IFNGR2: variants seen among roughly 807,000 people sequenced by gnomAD.
IFNGR2 encodes IFN-gamma receptor 2.
In IFNGR2, 15 loss-of-function variants were observed where a neutral mutation model predicts 41.1. The observed-to-expected ratio is 0.37, with a 90% CI of 0.24 to 0.56. IFNGR2 has a LOEUF of 0.56. Among genes scored for constraint, IFNGR2 ranks in the 20% least tolerant of loss-of-function variants. The pLI, the probability that IFNGR2 is intolerant of heterozygous loss-of-function variation, is 0.81. For missense variants in IFNGR2, 362 were observed against 415.7 expected (o/e 0.87, Z 1.12); for synonymous variants, 161 against 171.6 (o/e 0.94, Z 0.48).
intron 1 of IFNGR2, among the ~76,000 whole-genome samples, chr21:33,414,570 C>T (rs1474588114): frequency 6.6e-6 from 1 of 152,214 alleles, no homozygotes; most frequent in African/African-American, 2.4e-5. Context: ...AATGCAGTTA[C>T]TAATGGTAGA....
At position 33,426,027 on chromosome 21, in the gene IFNGR2, T is replaced by C. The variant is rs145973257; in HGVS notation, c.413-857T>C. ...TAAATGCTTGATAACCCCTCATTGA[T>C]AGCACATCATGAGTCACAGTCCTAG... On this transcript the variant is annotated intron_variant, in intron 3 of 6. Coordinates refer to ENST00000290219, the MANE Select transcript of IFNGR2 (RefSeq NM_005534.4). Among the ~76,000 whole-genome samples the C allele has an allele frequency of 7.2e-3, 1,093 of 152,358 alleles. 43 individuals are homozygous for C. Among genetic ancestry groups the C allele is most frequent in the Admixed American group, 0.056 (852 of 15,292 alleles).
chr21:33,405,778 C>G (rs1316032050), intron 1 of IFNGR2, among the ~76,000 whole-genome samples: 1 of 152,124 alleles, frequency 6.6e-6, no homozygotes, highest in East Asian at 1.9e-4. Flanking sequence ...CACCTGTAAT[C>G]CCAGCACTTT....
chr21:33,419,343 A>C (rs951658204), intron 2 of IFNGR2, among the ~76,000 whole-genome samples: 1 of 152,092 alleles, frequency 6.6e-6, no homozygotes, highest in Non-Finnish European at 1.5e-5. Context: ...CCTCACCTGA[A>C]GTGATCTGCC....
chr21:33,411,477 C>T (rs1230004643), intron 1 of IFNGR2: 9 of 470,748 alleles, frequency 1.9e-5, no homozygotes, highest in East Asian at 6.9e-5. Context: ...GTGTGGAGGG[C>T]GGAATAATGG....
chr21:33,434,391 G>T (rs992246946), intron 6 of IFNGR2, among the ~76,000 whole-genome samples: 1 of 152,064 alleles, frequency 6.6e-6, no homozygotes, highest in Admixed American at 6.6e-5. Flanking sequence ...GCGTGGTGGT[G>T]GGCGCCTGTA....
intron 4 of IFNGR2, among the ~76,000 whole-genome samples, chr21:33,428,687 ACT>A (rs1233833725): frequency 6.6e-6 from 1 of 151,996 alleles, no homozygotes; most frequent in Non-Finnish European, 1.5e-5. Context: ...CAGAAGAGAG[ACT>A]CTGCCTCTTC....
chr21:33,415,798 T>G (rs1483993405), intron 2 of IFNGR2, among the ~76,000 whole-genome samples: 1 of 152,200 alleles, frequency 6.6e-6, no homozygotes, highest in Non-Finnish European at 1.5e-5. Flanking sequence ...ACATTTGAAG[T>G]CATGGAAATG....
intron 5 of IFNGR2, 66 bp downstream of exon 5, chr21:33,432,402 G>A (rs2083897844): frequency 6.7e-7 from 1 of 1,483,602 alleles, no homozygotes; most frequent in Non-Finnish European, 9.4e-7. Flanking sequence ...AGTGAAATCG[G>A]GGAATGCTTA....
Position 33,403,751 on chromosome 21 carries a change from G to A in IFNGR2, c.73+135G>A, listed in dbSNP as rs1228120336. On this transcript the variant is annotated intron_variant, in intron 1 of 6. Coordinates refer to ENST00000290219, the MANE Select transcript of IFNGR2 (RefSeq NM_005534.4). ...GGGTGGGAATCTGCGGGGTGCTCCT[G>A]GTGGGTGGGATATGCGGAGTGCTCA... 7.9e-6 allele frequency: 4 copies of A among 507,984 alleles called. No individual in the cohort carries two copies. The Admixed American group carries it at 2.0e-4, about 25-fold the overall frequency. The allele number at this position is 507,984 out of a possible 1,614,324, so 31.5% of individuals were successfully genotyped here. A position where few individuals can be genotyped will look rare whatever the true frequency, so the allele number is the denominator to read the frequency against.
At chr21:33,434,201 A>C (rs932795217) in intron 6 of IFNGR2, among the ~76,000 whole-genome samples, 3 of 152,156 alleles carry the variant, frequency 2.0e-5, no homozygotes, top group Admixed American at 1.3e-4. Context: ...TTTGGGGATC[A>C]GAGGCGAGCT....
chr21:33,403,672 G>C, intron 1 of IFNGR2, 56 bp downstream of exon 1: 1 of 1,217,900 alleles, frequency 8.2e-7, no homozygotes, highest in Non-Finnish European at 1.0e-6. Context: ...AGCATGTGGG[G>C]GCTGGGGGAC....
intron 4 of IFNGR2, among the ~76,000 whole-genome samples, chr21:33,428,328 C>A (rs748443754): frequency 6.6e-6 from 1 of 151,780 alleles, no homozygotes; most frequent in Admixed American, 6.6e-5. Flanking sequence ...CTCAAGCAGT[C>A]CACCCACTTC....
At position 33,436,328 on chromosome 21, in the gene IFNGR2, C is replaced by CA. The variant is rs113181168; in HGVS notation, c.880-488dup. Reference sequence around the variant, plus strand: ...TGGGCAACAACGTGAAACTCCGTCTCAAAAAAAAAAAATTGTTTCATTGTT... The same window carrying CA: ...TGGGCAACAACGTGAAACTCCGTCTCAAAAAAAAAAAAATTGTTTCATTGTT... On this transcript the variant is annotated intron_variant, in intron 6 of 6. Coordinates refer to ENST00000290219, the MANE Select transcript of IFNGR2 (RefSeq NM_005534.4). Among the ~76,000 whole-genome samples the CA allele has an allele frequency of 4.9e-4, 67 of 135,576 alleles. 1 individual carries two copies. Among genetic ancestry groups the CA allele is most frequent in the South Asian group, 3.0e-3 (13 of 4,356 alleles). The allele number at this position is 135,576 out of a possible 152,430, so 88.9% of individuals were successfully genotyped here.
chr21:33,432,061 G>C (rs993296190), intron 4 of IFNGR2, 116 bp from the exon 5 acceptor site: 12 of 959,594 alleles, frequency 1.3e-5, no homozygotes, highest in Non-Finnish European at 2.0e-5. Flanking sequence ...ACTAAAAATG[G>C]CATCTTGTTC....
At chr21:33,404,838 C>T (rs1444021433) in intron 1 of IFNGR2, among the ~76,000 whole-genome samples, 3 of 152,146 alleles carry the variant, frequency 2.0e-5, no homozygotes, top group African/African-American at 7.2e-5. Context: ...ACATAAAAAC[C>T]AAAAGAAACC....
intron 1 of IFNGR2, among the ~76,000 whole-genome samples, chr21:33,411,086 C>T (rs1440057955): frequency 6.6e-6 from 1 of 152,244 alleles, no homozygotes. Flanking sequence ...CAATCCTTGG[C>T]ACTTCCCTGT....
chr21:33,427,787 G>A (rs190217020), intron 4 of IFNGR2, among the ~76,000 whole-genome samples: 2 of 150,740 alleles, frequency 1.3e-5, no homozygotes, highest in East Asian at 3.9e-4. Context: ...CATTTATTGA[G>A]AGCTTCCTTT....
intron 5 of IFNGR2, 159 bp downstream of exon 5, chr21:33,432,495 C>T (rs1292780400): frequency 6.9e-6 from 6 of 874,900 alleles, no homozygotes; most frequent in African/African-American, 6.6e-5. Context: ...CTGAGATTTG[C>T]AGTAGTGGAG....
intron 3 of IFNGR2, among the ~76,000 whole-genome samples, 167 bp from the exon 4 acceptor site, chr21:33,426,717 C>T (rs1000791560): frequency 3.4e-5 from 5 of 148,842 alleles, no homozygotes; most frequent in African/African-American, 9.9e-5. Context: ...AAAACTGTCT[C>T]GAAAAAATAA....
Sources: allele counts gnomAD v4.1 joint callset (sites outside exome capture counted in the v4.1 genomes callset), GRCh38; gene constraint gnomAD v4.1.1; transcripts MANE v1.5; gene names NCBI Gene and HGNC (gene_info 2026-07-23, HGNC 2026-07-21).